The following EML5 variants were observed in gnomAD, a reference collection of about 807,000 sequenced individuals.
EML5 encodes echinoderm microtubule-associated protein-like 5.
A neutral mutation model predicts 250.0 loss-of-function variants in EML5; 120 were observed. The ratio of observed to expected loss-of-function variants is 0.48; its 90% confidence interval spans 0.41 to 0.56. The LOEUF (loss-of-function observed/expected upper bound fraction) is 0.56. EML5 is among the 20% of genes least tolerant of loss of function. EML5 has a pLI of 0.00. For synonymous variants in EML5, 771 were observed against 806.5 expected, an observed-to-expected ratio of 0.96 and a Z score of 0.75; for missense variants, 2,006 against 2,437.6, an observed-to-expected ratio of 0.82 and a Z score of 3.73.
intron 8 of EML5, among the ~76,000 whole-genome samples, chr14:88,715,539 G>GA (rs1239198022): frequency 1.3e-5 from 2 of 151,928 alleles, no homozygotes; most frequent in African/African-American, 4.8e-5. Context: ...TGGAGTTTAT[G>GA]AAAAATGTTT....
At chr14:88,643,855 C>T (rs184519145) in intron 30 of EML5, among the ~76,000 whole-genome samples, 106 of 152,258 alleles carry the variant, frequency 7.0e-4, no homozygotes, top group African/African-American at 2.4e-3. Flanking sequence ...GGGGAGGGAA[C>T]GACAGCAATC....
intron 30 of EML5, among the ~76,000 whole-genome samples, chr14:88,644,227 A>C (rs1243026374): frequency 1.3e-5 from 2 of 152,226 alleles, no homozygotes; most frequent in Non-Finnish European, 2.9e-5. Context: ...TATTATTCAC[A>C]GAAAAGTAAA....
intron 20 of EML5, among the ~76,000 whole-genome samples, chr14:88,683,006 A>G (rs1399772824): frequency 6.9e-6 from 1 of 145,022 alleles, no homozygotes; most frequent in Admixed American, 6.9e-5. Context: ...CTCTTCTCAA[A>G]GGAACTGACT....
At chr14:88,722,820 T>C (rs1479665125) in intron 8 of EML5, among the ~76,000 whole-genome samples, 1 of 152,168 alleles carries the variant, frequency 6.6e-6, no homozygotes, top group Admixed American at 6.5e-5. Context: ...AGGTGATGGG[T>C]TGATAGGTGC....
chr14:88,675,488 G>A (rs2092573291), intron 21 of EML5, among the ~76,000 whole-genome samples: 1 of 152,210 alleles, frequency 6.6e-6, no homozygotes, highest in Non-Finnish European at 1.5e-5. Context: ...AGGGTACCAA[G>A]TCCCTAGGCT....
At chr14:88,779,956 AT>A (rs1057257486) in intron 1 of EML5, among the ~76,000 whole-genome samples, 26 of 149,354 alleles carry the variant, frequency 1.7e-4, no homozygotes, top group East Asian at 3.9e-4. Flanking sequence ...CTGAAAAAAA[AT>A]TTTTTTTTTT....
intron 37 of EML5, chr14:88,621,514 C>G: frequency 1.7e-6 from 1 of 587,780 alleles, no homozygotes. Flanking sequence ...ATATTAGAGT[C>G]CATGCTACAG....
At chr14:88,680,755 CA>C (rs910524807) in intron 21 of EML5, among the ~76,000 whole-genome samples, 11 of 151,250 alleles carry the variant, frequency 7.3e-5, no homozygotes, top group Admixed American at 7.3e-4. Context: ...TATTGTTTTT[CA>C]AAAAAAAGTC....
intron 21 of EML5, among the ~76,000 whole-genome samples, chr14:88,674,080 CCAA>C (rs1298077579): frequency 1.3e-5 from 2 of 152,064 alleles, no homozygotes; most frequent in African/African-American, 4.8e-5. Flanking sequence ...ACCAGCCTGG[CCAA>C]CATAGTGAAA....
intron 7 of EML5, among the ~76,000 whole-genome samples, chr14:88,735,999 CTTTCT>C (rs1188491534): frequency 4.8e-5 from 6 of 126,306 alleles, no homozygotes; most frequent in Admixed American, 3.6e-4. Flanking sequence ...AGTATTTTTT[CTTTCT>C]TTTTTTTTTT....
At position 88,682,033 on chromosome 14, in the gene EML5, T is replaced by TA; in HGVS notation, c.2983-3dup. The TA allele has an allele frequency of 6.3e-7, 1 of 1,586,080 alleles. No homozygotes were observed. The highest frequency in any genetic ancestry group is 8.5e-7 in the Non-Finnish European group (1 of 1,170,536). On this transcript the variant is annotated splice_region_variant and splice_polypyrimidine_tract_variant and intron_variant, in intron 20 of 43. Transcript: ENST00000554922. The stretch of plus-strand genomic sequence containing the variant: ...CCACACCTCTCCTTCCATGTGTCCC[T>TA]ATAAAGAAAACATAGGATCAATTTA...
At chr14:88,723,745 A>C (rs552600280) in intron 8 of EML5, among the ~76,000 whole-genome samples, 1 of 152,302 alleles carries the variant, frequency 6.6e-6, no homozygotes, top group Admixed American at 6.5e-5. Context: ...TCATGCCTTA[A>C]TGAAGCTGGG....
At chr14:88,717,654 C>G (rs964819805) in intron 8 of EML5, among the ~76,000 whole-genome samples, 2 of 152,170 alleles carry the variant, frequency 1.3e-5, no homozygotes, top group African/African-American at 4.8e-5. Context: ...ACTCAGGAGG[C>G]TGAGGCAGGA....
intron 21 of EML5, among the ~76,000 whole-genome samples, chr14:88,666,670 T>C (rs1297191281): frequency 6.6e-6 from 1 of 152,214 alleles, no homozygotes; most frequent in Non-Finnish European, 1.5e-5. Context: ...ATGTCATTAA[T>C]GATGTTAACA....
At chr14:88,689,653 G>A (rs1166839801) in intron 17 of EML5, among the ~76,000 whole-genome samples, 2 of 152,160 alleles carry the variant, frequency 1.3e-5, no homozygotes. Context: ...AGGCTAGCTT[G>A]AGCCTGAGAG....
chr14:88,747,229 C>T (rs1372157773), intron 2 of EML5, among the ~76,000 whole-genome samples: 2 of 151,888 alleles, frequency 1.3e-5, no homozygotes, highest in Non-Finnish European at 1.5e-5. Context: ...CTGGGCAACA[C>T]GTTGAAACCC....
chr14:88,668,467 A>G (rs1279863775), intron 21 of EML5, among the ~76,000 whole-genome samples: 1 of 152,196 alleles, frequency 6.6e-6, no homozygotes, highest in Non-Finnish European at 1.5e-5. Flanking sequence ...TTGTGTCACA[A>G]ACTGCTGTGA....
At chr14:88,720,113 C>A (rs1055051843) in intron 8 of EML5, among the ~76,000 whole-genome samples, 9 of 152,026 alleles carry the variant, frequency 5.9e-5, no homozygotes, top group African/African-American at 2.2e-4. Flanking sequence ...CTAAATAGAC[C>A]AATAACAAGT....
At chr14:88,738,777 A>G in intron 6 of EML5, 102 bp downstream of exon 6, 1 of 1,342,114 alleles carries the variant, frequency 7.5e-7, no homozygotes, top group East Asian at 2.6e-5. Context: ...TATAAGTCTT[A>G]TTTATATTTA....
Sources: gnomAD v4.1 joint callset for allele counts (sites outside exome capture counted in the v4.1 genomes callset) on GRCh38, gnomAD v4.1.1 for gene constraint, MANE v1.5 for transcripts, NCBI Gene and HGNC (gene_info 2026-07-23, HGNC 2026-07-21) for gene names.